KEL: variants seen among roughly 807,000 people sequenced by gnomAD.
KEL encodes Kell metallo-endopeptidase (Kell blood group).
KEL carries 96 observed loss-of-function variants against 99.5 expected under a neutral mutation model. That is an observed-to-expected ratio of 0.97 (90% CI 0.82 to 1.14). The LOEUF is 1.14. Ranked by LOEUF, KEL falls within the 50% of genes most tolerant of loss-of-function variation. The pLI is 0.00. For synonymous variants in KEL, 355 were observed against 354.8 expected, an observed-to-expected ratio of 1.00 and a Z score of -0.01; for missense variants, 926 against 924.2, an observed-to-expected ratio of 1.00 and a Z score of -0.03.
Position 142,954,194 on chromosome 7 carries a change from T to A in KEL, c.914A>T (p.Asp305Val), listed in dbSNP as rs747201780. The A allele has an allele frequency of 1.7e-5, 28 of 1,610,262 alleles. No homozygotes were observed. The highest frequency in any genetic ancestry group is 2.3e-5 in the Non-Finnish European group (27 of 1,179,946). The change falls in exon 8 of 19, where the codon GAC becomes GTC. Residue 305 changes from aspartate to valine, a missense_variant. Physicochemically the swap from Asp to Val is radical, Grantham distance 152. Coordinates refer to ENST00000355265, the MANE Select transcript of KEL (RefSeq NM_000420.3). ...QGKLFQMVTI[D>V]QLKEMAPAID... is the part of the protein sequence containing the mutation. ...CCCAGTTCCAGGCACCTTGAGCTGG[T>A]CGATAGTGACCATCTGGAAGAGCTT...
intron 9 of KEL, 91 bp downstream of exon 9, chr7:142,953,717 G>A (rs1198525007): frequency 6.7e-7 from 1 of 1,491,588 alleles, no homozygotes; most frequent in Non-Finnish European, 9.3e-7. Context: ...TTACCAGCCT[G>A]CCTTCCCCAA....
At chr7:142,961,755 AC>A in intron 2 of KEL, 39 bp downstream of exon 2, 1 of 1,524,968 alleles carries the variant, frequency 6.6e-7, no homozygotes. Context: ...GAGAGTGACA[AC>A]ATCAGTGTAT....
In KEL at chr7:142,942,444, C is replaced by A. The variant is rs61729051; in HGVS notation, c.2027G>T (p.Ser676Ile). 9 of 1,594,654 alleles carry A rather than the reference C, an allele frequency of 5.6e-6. No homozygotes were observed. Among genetic ancestry groups the A allele is most frequent in the Non-Finnish European group, 8.6e-7 (1 of 1,169,290 alleles). The change falls in exon 18 of 19, where the codon AGC becomes ATC. Residue 676 changes from serine (S) to isoleucine (I), a missense_variant. Ser to Ile is a moderately radical substitution (Grantham distance 142). Coordinates refer to ENST00000355265, the MANE Select transcript of KEL (RefSeq NM_000420.3). ...GTGGCCGCTGCCTACCTGGGCATAGCTTCGAAAGAAGATCTGCTGGGGGCT... is the reference window on the plus strand; with the variant it reads ...GTGGCCGCTGCCTACCTGGGCATAGATTCGAAAGAAGATCTGCTGGGGGCT... ...DLSPQQIFFR[S>I]YAQVMCRKPS... is the part of the protein sequence containing the mutation.
chr7:142,961,606 A>G, intron 2 of KEL, 105 bp from the exon 3 acceptor site: 1 of 1,414,372 alleles, frequency 7.1e-7, no homozygotes, highest in Non-Finnish European at 1.0e-6. Context: ...GTCCCTTTAT[A>G]CAGAAATAAT....
Position 142,943,887 on chromosome 7 carries a change from G to C in KEL, c.1492-4C>G. 6.2e-7 allele frequency: 1 copy of C among 1,613,248 alleles called. No homozygotes were observed. The highest frequency in any genetic ancestry group is 1.1e-5 in the South Asian group (1 of 91,028). The stretch of plus-strand genomic sequence containing the variant: ...GGAAGCTCGATCCAAGCTGTATCTG[G>C]GGAAGAGGCAGGAGGTGACTTGGGC... On this transcript the variant is annotated splice_polypyrimidine_tract_variant and splice_region_variant and intron_variant, in intron 13 of 18. Coordinates refer to ENST00000355265, the MANE Select transcript of KEL (RefSeq NM_000420.3).
intron 10 of KEL, among the ~76,000 whole-genome samples, chr7:142,949,034 C>T (rs1055850841): frequency 4.6e-5 from 7 of 152,080 alleles, no homozygotes; most frequent in African/African-American, 7.2e-5. Context: ...CATCTATAGA[C>T]GAAATACATC....
Position 142,942,516 on chromosome 7 carries a change from C to A in KEL, c.1955G>T (p.Arg652Met), listed in dbSNP as rs529389432. ...AGTCTCCCCATGGTGCCGTAACAGC[C>A]TCTTGCTGTATGCCTGGGTAGGGGT... ...LAIALQAYSK[R>M]LLRHHGETVL... Residue 652 changes from arginine (R) to methionine (M), a missense_variant, in exon 18 of 19, where the codon AGG becomes ATG. Transcript: ENST00000355265. 6.2e-7 allele frequency: 1 copy of A among 1,608,148 alleles called. No homozygotes were observed. Among genetic ancestry groups the A allele is most frequent in the African/African-American group, 1.3e-5 (1 of 74,986 alleles).
intron 10 of KEL, among the ~76,000 whole-genome samples, chr7:142,947,930 T>C (rs1009235840): frequency 6.6e-6 from 1 of 152,202 alleles, no homozygotes; most frequent in African/African-American, 2.4e-5. Flanking sequence ...AAAGCAATTA[T>C]AGGCCAAGTT....
At position 142,942,759 on chromosome 7, in the gene KEL, C is replaced by T. The variant is rs8176040; in HGVS notation, c.1941+116G>A. 1,045 of 1,330,674 alleles carry T rather than the reference C, an allele frequency of 7.9e-4. 4 individuals carry two copies. The African/African-American group carries it at 0.012, about 16-fold the overall frequency. The allele number at this position is 1,330,674 out of a possible 1,614,324, so 82.4% of individuals were successfully genotyped here. On this transcript the variant is annotated intron_variant, in intron 17 of 18. Transcript: ENST00000355265. ...AGTTGCCGTCTATTCAGTGGGGATG[C>T]GAAGGGCAGAAAGCCATGCAACTGT... is the stretch of plus-strand genomic sequence containing the variant.
chr7:142,949,970 T>C (rs528829253), intron 10 of KEL, among the ~76,000 whole-genome samples: 2 of 152,342 alleles, frequency 1.3e-5, no homozygotes, highest in South Asian at 4.1e-4. Context: ...GGGCCAATAA[T>C]GAGATTTAGA....
Position 142,941,349 on chromosome 7 carries a change from A to G in KEL, c.2102T>C (p.Val701Ala), listed in dbSNP as rs1796348238. 6.2e-7 allele frequency: 1 copy of G among 1,613,272 alleles called. No homozygotes were observed. The highest frequency in any genetic ancestry group is 8.5e-7 in the Non-Finnish European group (1 of 1,179,464). Reference protein sequence around the residue: ...HDTHSPPHLRVHGPLSSTPAF... With the variant: ...HDTHSPPHLRAHGPLSSTPAF... The stretch of plus-strand genomic sequence containing the variant: ...TGGGGTGCTGCTGAGGGGCCCGTGG[A>G]CTCGGAGGTGTGGAGGGCTGTGAGT... Residue 701 changes from valine (V) to alanine (A), a missense_variant, in exon 19 of 19, where the codon GTC becomes GCC. Transcript: ENST00000355265.
rs1018901013 is a variant in KEL, at chr7:142,962,273, G to T, written c.-67C>A. The stretch of plus-strand genomic sequence containing the variant: ...TCTAGGAGCTGATTCGGAGGACTGG[G>T]GTCCAGGAAACACCCCCCGCCCCAG... On this transcript the variant is annotated 5_prime_UTR_variant, in exon 1 of 19. Transcript: ENST00000355265. 5 of 1,596,968 alleles carry T rather than the reference G, an allele frequency of 3.1e-6. No individual in the cohort carries two copies. In the East Asian group the frequency reaches 8.9e-5, roughly 29 times the overall value.
In KEL at chr7:142,960,940, G is replaced by T. The variant is rs184131044; in HGVS notation, c.388C>A (p.Arg130=). The change falls in exon 4 of 19, where the codon CGG becomes AGG. Residue 130 remains arginine (R), a synonymous_variant. Coordinates refer to ENST00000355265, the MANE Select transcript of KEL (RefSeq NM_000420.3). Reference sequence around the variant, plus strand: ...CTGCTTTCCTCACCCAGTATTCTCCGAAGTCGGTTTTTGTTCTTTGTGGCA... The same window carrying T: ...CTGCTTTCCTCACCCAGTATTCTCCTAAGTCGGTTTTTGTTCTTTGTGGCA... ...ELATKNKNRL[R]RILEVQNSWH... 1 of 1,614,162 alleles carries T rather than the reference G, an allele frequency of 6.2e-7. No individual in the cohort carries two copies. The highest frequency in any genetic ancestry group is 1.1e-5 in the South Asian group (1 of 91,080).
Position 142,954,605 on chromosome 7 carries a change from C to G in KEL, c.673-78G>C. On this transcript the variant is annotated intron_variant, in intron 6 of 18. Coordinates refer to ENST00000355265, the MANE Select transcript of KEL (RefSeq NM_000420.3). ...CAGGTGTGGGGAGGTGGGGAATATA[C>G]CATGGGAGATGGCCTTGGGAGATGG... 3 of 1,247,884 alleles carry G rather than the reference C, an allele frequency of 2.4e-6. No homozygotes were observed. In the Admixed American group the frequency reaches 5.0e-5, roughly 21 times the overall value. 77.3% of individuals were successfully genotyped at this position (1,247,884 alleles called of 1,614,324 possible).
intron 10 of KEL, among the ~76,000 whole-genome samples, chr7:142,946,808 C>T (rs1350185289): frequency 6.6e-6 from 1 of 152,210 alleles, no homozygotes; most frequent in Non-Finnish European, 1.5e-5. Context: ...GTGTATCATA[C>T]TGTAGCATCT....
At chr7:142,946,870 T>C (rs1428354336) in intron 10 of KEL, among the ~76,000 whole-genome samples, 1 of 152,284 alleles carries the variant, frequency 6.6e-6, no homozygotes, top group East Asian at 1.9e-4. Flanking sequence ...CCATATTGTT[T>C]GCTAGGAAAA....
intron 10 of KEL, chr7:142,946,742 C>A: frequency 4.1e-6 from 1 of 244,440 alleles, no homozygotes; most frequent in South Asian, 6.3e-5. Flanking sequence ...ACGGAGATTG[C>A]GGATGGAAAT....
chr7:142,947,636 C>G (rs1344336995), intron 10 of KEL, among the ~76,000 whole-genome samples: 4 of 152,172 alleles, frequency 2.6e-5, no homozygotes, highest in Non-Finnish European at 4.4e-5. Flanking sequence ...CTGCAACTTT[C>G]ACCTCCCGGG....
At chr7:142,955,872 T>C (rs920809476) in intron 6 of KEL, among the ~76,000 whole-genome samples, 1 of 152,236 alleles carries the variant, frequency 6.6e-6, no homozygotes, top group African/African-American at 2.4e-5. Context: ...TCCACTGCCA[T>C]AACTGTTTGG....
Sources: gnomAD v4.1 joint callset for allele counts (sites outside exome capture counted in the v4.1 genomes callset) on GRCh38, gnomAD v4.1.1 for gene constraint, MANE v1.5 for transcripts, NCBI Gene and HGNC (gene_info 2026-07-23, HGNC 2026-07-21) for gene names.